PGAP1: variants seen among roughly 807,000 people sequenced by gnomAD.
PGAP1 encodes GPI inositol-deacylase.
In PGAP1, 76 loss-of-function variants were observed where a neutral mutation model predicts 127.0. The observed-to-expected ratio is 0.60, with a 90% CI of 0.50 to 0.72. The LOEUF is 0.72. Among genes scored for constraint, PGAP1 ranks in the 30% least tolerant of loss-of-function variants. PGAP1 has a pLI of 0.00. For missense variants in PGAP1, 982 were observed against 1,071.3 expected (o/e 0.92, Z 1.16); for synonymous variants, 362 against 366.5 (o/e 0.99, Z 0.14).
At chr2:196,873,983 G>C (rs1701482094) in intron 14 of PGAP1, 1 of 392,100 alleles carries the variant, frequency 2.6e-6, no homozygotes, top group African/African-American at 2.1e-5. Context: ...AAAAAAGTCA[G>C]GTATATAATT....
rs1451902336 is a variant in PGAP1 at position 196,920,033 on chromosome 2, G to A, written c.265C>T (p.Leu89Phe). Reference protein sequence around the residue: ...KILPLTGIPVLFLPGNAGSYK... With the variant: ...KILPLTGIPVFFLPGNAGSYK... ...CTTCCAGCATTACCAGGAAGAAAGA[G>A]AACTGGAATACCCGTCAAAGGGAGA... is the stretch of plus-strand genomic sequence containing the variant. Residue 89 changes from leucine (L) to phenylalanine (F), a missense_variant, in exon 2 of 27, where the codon CTC (leucine) becomes TTC (phenylalanine). Coordinates refer to ENST00000354764, the MANE Select transcript of PGAP1 (RefSeq NM_024989.4). 1.2e-6 allele frequency: 2 copies of A among 1,612,422 alleles called. No individual in the cohort carries two copies. Among genetic ancestry groups the A allele is most frequent in the East Asian group, 2.2e-5 (1 of 44,834 alleles).
chr2:196,902,166 C>G (rs550175200), intron 5 of PGAP1, among the ~76,000 whole-genome samples: 1 of 152,092 alleles, frequency 6.6e-6, no homozygotes, highest in Non-Finnish European at 1.5e-5. Flanking sequence ...ACTATAGGCA[C>G]TTACCACCAT....
chr2:196,846,612 A>C (rs922390321), intron 22 of PGAP1, among the ~76,000 whole-genome samples: 1 of 152,144 alleles, frequency 6.6e-6, no homozygotes, highest in Non-Finnish European at 1.5e-5. Context: ...TGGAGCTTTT[A>C]TATATCTCAT....
chr2:196,912,282 C>G lies in PGAP1; in HGVS notation c.649+600G>C, dbSNP rs77929592. Among the ~76,000 whole-genome samples, 1,198 of 152,216 alleles carry G rather than the reference C, an allele frequency of 7.9e-3. 10 individuals are homozygous for G. Among genetic ancestry groups the G allele is most frequent in the African/African-American group, 0.027 (1,137 of 41,522 alleles). On this transcript the variant is annotated intron_variant, in intron 4 of 26. Transcript: ENST00000354764. ...GCTTATTTTGGATACAGTCCTAAAA[C>G]AGTTAACAAAGCATAGGAAGTTTAA... is the stretch of plus-strand genomic sequence containing the variant.
intron 4 of PGAP1, among the ~76,000 whole-genome samples, chr2:196,911,763 T>G (rs909628913): frequency 2.0e-5 from 3 of 152,216 alleles, no homozygotes; most frequent in African/African-American, 7.2e-5. Context: ...CTCTGGCTTT[T>G]TTTAACAATA....
intron 1 of PGAP1, among the ~76,000 whole-genome samples, chr2:196,925,177 G>A (rs912790846): frequency 6.6e-6 from 1 of 152,072 alleles, no homozygotes; most frequent in African/African-American, 2.4e-5. Context: ...CAAAACCAAG[G>A]TAAGGATCTA....
chr2:196,926,661 C>T lies in PGAP1; in HGVS notation c.-45G>A, dbSNP rs779562504. Reference sequence around the variant, plus strand: ...CCGCCGCCGCCGCCCCCTCTACCTCCTTCTCCGCCGCGGGGCCCCAAGCCC... The same window carrying T: ...CCGCCGCCGCCGCCCCCTCTACCTCTTTCTCCGCCGCGGGGCCCCAAGCCC... On this transcript the variant is annotated 5_prime_UTR_variant, in exon 1 of 27. Coordinates refer to ENST00000354764, the MANE Select transcript of PGAP1 (RefSeq NM_024989.4). 1.2e-6 allele frequency: 2 copies of T among 1,611,844 alleles called. No homozygotes were observed. Among genetic ancestry groups the T allele is most frequent in the African/African-American group, 1.3e-5 (1 of 74,962 alleles).
chr2:196,872,594 G>C (rs765582504), intron 17 of PGAP1, 45 bp from the exon 18 acceptor site: 17 of 1,354,176 alleles, frequency 1.3e-5, no homozygotes, highest in South Asian at 2.4e-5. Flanking sequence ...CAAAATGCTG[G>C]TAAAGAGCCA....
intron 19 of PGAP1, among the ~76,000 whole-genome samples, chr2:196,868,649 G>A (rs1294390374): frequency 6.6e-6 from 1 of 152,142 alleles, no homozygotes; most frequent in Non-Finnish European, 1.5e-5. Context: ...GAATTCTCTT[G>A]AGAAAGTAAC....
chr2:196,884,214 C>T (rs1001107289), intron 12 of PGAP1, among the ~76,000 whole-genome samples: 6 of 151,814 alleles, frequency 4.0e-5, no homozygotes, highest in Admixed American at 1.3e-4. Context: ...AATTCATCCA[C>T]GTAATAAAAA....
intron 4 of PGAP1, among the ~76,000 whole-genome samples, chr2:196,904,462 G>A (rs1173178345): frequency 1.3e-5 from 2 of 152,184 alleles, no homozygotes; most frequent in African/African-American, 2.4e-5. Flanking sequence ...AGGCAGCTGG[G>A]CGCAGTGGCT....
At chr2:196,922,515 T>C (rs1214326446) in intron 1 of PGAP1, 1 of 978,596 alleles carries the variant, frequency 1.0e-6, no homozygotes, top group African/African-American at 1.8e-5. Flanking sequence ...GACTTGTCTC[T>C]ATCCTTGCCT....
rs548899234 is a variant in PGAP1 at position 196,889,645 on chromosome 2, A to G, written c.1173+1183T>C. Among the ~76,000 whole-genome samples the G allele has an allele frequency of 5.9e-5, 9 of 152,008 alleles. No individual in the cohort carries two copies. In the South Asian group the frequency reaches 1.9e-3, roughly 32 times the overall value. ...GCCGAGGCGGGCGGATCACGAGGTC[A>G]GGAGATCGAGACCATCCTGGCTAAC... is the stretch of plus-strand genomic sequence containing the variant. On this transcript the variant is annotated intron_variant, in intron 10 of 26. Transcript: ENST00000354764.
In PGAP1 at chr2:196,880,149, A is replaced by T; in HGVS notation, c.1277T>A (p.Leu426Gln). The change falls in exon 13 of 27, where the codon CTG becomes CAG. Residue 426 changes from leucine (L) to glutamine (Q), a missense_variant. Coordinates refer to ENST00000354764, the MANE Select transcript of PGAP1 (RefSeq NM_024989.4). ...KAELLPTIKYLTLRLQDYPSL... is the reference protein window; with the variant it reads ...KAELLPTIKYQTLRLQDYPSL... ...TGGATAGTCTTGAAGTCTTAATGTCAGATACTAAAATAAAAAAAAAAGAAA... is the reference window on the plus strand; with the variant it reads ...TGGATAGTCTTGAAGTCTTAATGTCTGATACTAAAATAAAAAAAAAAGAAA... 1 of 1,522,924 alleles carries T rather than the reference A, an allele frequency of 6.6e-7. No homozygotes were observed. The highest frequency in any genetic ancestry group is 8.8e-7 in the Non-Finnish European group (1 of 1,132,516). 94.3% of individuals were successfully genotyped at this position (1,522,924 alleles called of 1,614,324 possible).
chr2:196,926,626 A>ACCACCGCCG lies in PGAP1; in HGVS notation c.-19_-11dup. 2 of 1,612,982 alleles carry ACCACCGCCG rather than the reference A, an allele frequency of 1.2e-6. No individual in the cohort carries two copies. The highest frequency in any genetic ancestry group is 1.1e-5 in the South Asian group (1 of 91,064). ...CTGAGTGAAGAAACATGGTGCCGCC[A>ACCACCGCCG]CCACCGCCGCCGCCGCCGCCGCCCC... On this transcript the variant is annotated 5_prime_UTR_variant, in exon 1 of 27. Coordinates refer to ENST00000354764, the MANE Select transcript of PGAP1 (RefSeq NM_024989.4).
In PGAP1 at chr2:196,847,963, T is replaced by G. The variant is rs910675841; in HGVS notation, c.1936A>C (p.Ile646Leu). ...AAAACTTACCCCAACAGAAACTTAA[T>G]GATAATTACAAAAGGATCAACTTTG... ...PYKVDPFVII[I>L]KFLLGYKWFK... The change falls in exon 21 of 27, where the codon ATT becomes CTT. Residue 646 changes from isoleucine to leucine, a missense_variant. Transcript: ENST00000354764. 3.8e-6 allele frequency: 6 copies of G among 1,588,786 alleles called. No individual in the cohort carries two copies. In the African/African-American group the frequency reaches 6.8e-5, roughly 18 times the overall value.
rs1333031963 is a variant in PGAP1, at chr2:196,843,995, G to A, written c.2418C>T (p.Ala806=). The A allele has an allele frequency of 6.2e-7, 1 of 1,608,098 alleles. No homozygotes were observed. Among genetic ancestry groups the A allele is most frequent in the South Asian group, 1.1e-5 (1 of 90,380 alleles). ...TGCGAAGGCTATCTTCAGCATCGTT[G>A]GCAGATAAACGAAGATGGTGTATTG... ...DSSIHHLRLS[A]NDAEDSLRMH... Residue 806 remains alanine, a synonymous_variant, in exon 25 of 27, where the codon GCC becomes GCT. Transcript: ENST00000354764.
intron 1 of PGAP1, among the ~76,000 whole-genome samples, chr2:196,924,016 T>C (rs538751243): frequency 1.3e-5 from 2 of 152,226 alleles, no homozygotes; most frequent in South Asian, 4.1e-4. Flanking sequence ...CTAGTAGGCT[T>C]GAGATATGGG....
At chr2:196,863,782 T>C (rs1030387420) in intron 20 of PGAP1, among the ~76,000 whole-genome samples, 1 of 152,130 alleles carries the variant, frequency 6.6e-6, no homozygotes, top group Non-Finnish European at 1.5e-5. Context: ...TTTCACCATA[T>C]TGGCCAGGGT....
Sources: gnomAD v4.1 joint callset for allele counts (sites outside exome capture counted in the v4.1 genomes callset) on GRCh38, gnomAD v4.1.1 for gene constraint, MANE v1.5 for transcripts, NCBI Gene and HGNC (gene_info 2026-07-23, HGNC 2026-07-21) for gene names.